MFHAS1: variants seen among roughly 807,000 people sequenced by gnomAD.
The protein encoded by MFHAS1 is malignant fibrous histiocytoma-amplified sequence 1.
A neutral mutation model predicts 70.4 loss-of-function variants in MFHAS1; 50 were observed. The observed-to-expected ratio is 0.71, with a 90% confidence interval of 0.57 to 0.90. The LOEUF (loss-of-function observed/expected upper bound fraction) is 0.90. MFHAS1 is among the 40% of genes least tolerant of loss of function. MFHAS1 has a pLI of 0.00. For synonymous variants in MFHAS1, 952 were observed against 620.0 expected (o/e 1.54, Z -7.96); for missense variants, 1,795 against 1,347.6 (o/e 1.33, Z -5.20).
chr8:8,839,912 T>C (rs779653118), intron 1 of MFHAS1, among the ~76,000 whole-genome samples: 4 of 151,818 alleles, frequency 2.6e-5, no homozygotes, highest in Non-Finnish European at 5.9e-5. Context: ...AGAGCTTTAA[T>C]AGCAAGTCAA....
intron 1 of MFHAS1, among the ~76,000 whole-genome samples, chr8:8,831,063 T>C (rs1262846041): frequency 6.6e-6 from 1 of 151,992 alleles, no homozygotes; most frequent in Non-Finnish European, 1.5e-5. Flanking sequence ...CCTGCATGGT[T>C]GGTGTCTGGT....
intron 2 of MFHAS1, among the ~76,000 whole-genome samples, chr8:8,786,812 G>A (rs12677550): frequency 0.68 from 102,777 of 151,560 alleles, 35,203 homozygotes; most frequent in East Asian, 0.86. Flanking sequence ...TAGGAGAGAC[G>A]CTGATTTCAT....
Position 8,891,304 on chromosome 8 carries a change from C to T in MFHAS1, c.1755G>A (p.Glu585=). The T allele has an allele frequency of 1.2e-6, 2 of 1,611,426 alleles. No homozygotes were observed. The highest frequency in any genetic ancestry group is 1.7e-6 in the Non-Finnish European group (2 of 1,180,016). ...CTGCGTGGGGGCTGGCAGAGCGCAG[C>T]TCGAAGTCCCGGGCCAGTGCCTCGT... The part of the protein sequence containing the change: ...VVDEALARDF[E]LRSASPHAAY... The change falls in exon 1 of 3, where the codon GAG becomes GAA. Residue 585 remains glutamate (E), a synonymous_variant. Coordinates refer to ENST00000276282, the MANE Select transcript of MFHAS1 (RefSeq NM_004225.3). This position sits in a 1 kb window ranked among gnomAD's most constrained non-coding sequence, Gnocchi z 5.4.
At chr8:8,821,329 T>C (rs1806947919) in intron 1 of MFHAS1, among the ~76,000 whole-genome samples, 1 of 152,228 alleles carries the variant, frequency 6.6e-6, no homozygotes, top group African/African-American at 2.4e-5. Flanking sequence ...ACTAAGCCTA[T>C]TTCCACCCTG....
chr8:8,836,868 T>C (rs1029214590), intron 1 of MFHAS1, among the ~76,000 whole-genome samples: 2 of 152,242 alleles, frequency 1.3e-5, no homozygotes, highest in Non-Finnish European at 2.9e-5. Context: ...AACCAACCTT[T>C]CTTCTTTCCT....
At chr8:8,849,776 A>G (rs1381124480) in intron 1 of MFHAS1, among the ~76,000 whole-genome samples, 1 of 152,250 alleles carries the variant, frequency 6.6e-6, no homozygotes, top group African/African-American at 2.4e-5. Flanking sequence ...AGCAAGGGCA[A>G]AAGTTATCTC....
At chr8:8,852,461 C>T (rs3958877) in intron 1 of MFHAS1, among the ~76,000 whole-genome samples, 54,376 of 151,288 alleles carry the variant, frequency 0.36, 10,978 homozygotes, top group East Asian at 0.73. Context: ...AAAGCGAGAC[C>T]CTCTCTCAAA....
chr8:8,844,502 C>G (rs940608458), intron 1 of MFHAS1, among the ~76,000 whole-genome samples: 3 of 152,176 alleles, frequency 2.0e-5, no homozygotes, highest in African/African-American at 4.8e-5. Flanking sequence ...GACTCTTGCA[C>G]CAGCTTCTTA....
chr8:8,786,072 C>T lies in MFHAS1; in HGVS notation c.3126-17G>A, dbSNP rs2271340. ...ACATTCTTCCTGTATGGGTGGACAA[C>T]AAGAAAGCACAGAGATGACAAAAAC... On this transcript the variant is annotated splice_polypyrimidine_tract_variant and intron_variant, in intron 2 of 2. Transcript: ENST00000276282. 3.7e-6 allele frequency: 6 copies of T among 1,613,222 alleles called. No homozygotes were observed. The highest frequency in any genetic ancestry group is 1.1e-5 in the South Asian group (1 of 91,072).
intron 1 of MFHAS1, among the ~76,000 whole-genome samples, chr8:8,853,351 A>G (rs1808315040): frequency 6.6e-6 from 1 of 151,994 alleles, no homozygotes; most frequent in Non-Finnish European, 1.5e-5. Flanking sequence ...GCAACCAGAA[A>G]TAGCAGAGAA....
At chr8:8,854,068 G>A (rs941379808) in intron 1 of MFHAS1, among the ~76,000 whole-genome samples, 1 of 152,176 alleles carries the variant, frequency 6.6e-6, no homozygotes, top group Non-Finnish European at 1.5e-5. Flanking sequence ...TCCTTTGTAA[G>A]TCATGGGCAT....
At chr8:8,880,685 T>C (rs1007354414) in intron 1 of MFHAS1, among the ~76,000 whole-genome samples, 3 of 113,446 alleles carry the variant, frequency 2.6e-5, no homozygotes, top group African/African-American at 1.3e-4. Context: ...TCCTTTTTTG[T>C]TTTTTTTTTT....
intron 1 of MFHAS1, among the ~76,000 whole-genome samples, chr8:8,883,273 C>T (rs1171256761): frequency 6.6e-6 from 1 of 152,200 alleles, no homozygotes; most frequent in Non-Finnish European, 1.5e-5. Context: ...CCCCAGGGAA[C>T]AGGGACGCCA....
chr8:8,854,457 C>T (rs1341871020), intron 1 of MFHAS1, among the ~76,000 whole-genome samples: 1 of 151,708 alleles, frequency 6.6e-6, no homozygotes, highest in Non-Finnish European at 1.5e-5. Context: ...GGAGGCCGTA[C>T]TTGCAGTGAG....
At chr8:8,874,573 G>T (rs774955153) in intron 1 of MFHAS1, among the ~76,000 whole-genome samples, 3 of 151,920 alleles carry the variant, frequency 2.0e-5, no homozygotes, top group Non-Finnish European at 4.4e-5. Context: ...TTTGGGGAGG[G>T]GTTATGAAAA....
chr8:8,887,859 C>CAAAA (rs11300082), intron 1 of MFHAS1, among the ~76,000 whole-genome samples: 1 of 95,460 alleles, frequency 1.0e-5, no homozygotes, highest in African/African-American at 3.3e-5. Flanking sequence ...GCAAAAAAAA[C>CAAAA]AAAAAAAAAA....
At chr8:8,845,559 G>A (rs991569219) in intron 1 of MFHAS1, among the ~76,000 whole-genome samples, 4 of 152,090 alleles carry the variant, frequency 2.6e-5, no homozygotes, top group African/African-American at 9.7e-5. Flanking sequence ...TCCTGCTGGG[G>A]GGCCCATGGC....
chr8:8,855,548 A>T (rs1050931629), intron 1 of MFHAS1, among the ~76,000 whole-genome samples: 4 of 152,204 alleles, frequency 2.6e-5, no homozygotes, highest in Non-Finnish European at 5.9e-5. Context: ...TTTAATCCTG[A>T]TTCATGAACT....
At chr8:8,850,710 C>T (rs558289516) in intron 1 of MFHAS1, among the ~76,000 whole-genome samples, 2 of 150,974 alleles carry the variant, frequency 1.3e-5, no homozygotes, top group East Asian at 3.9e-4. Flanking sequence ...TGGCGCACAC[C>T]TATAATCAGG....
Sources: gnomAD v4.1 joint callset for allele counts (sites outside exome capture counted in the v4.1 genomes callset) on GRCh38, gnomAD v4.1.1 for gene constraint, Gnocchi (gnomAD v3.1) non-coding constraint, MANE v1.5 for transcripts, NCBI Gene and HGNC (gene_info 2026-07-23, HGNC 2026-07-21) for gene names.